The following RALGPS1 variants were observed in gnomAD, a reference collection of about 807,000 sequenced individuals.
The protein encoded by RALGPS1 is Ral GEF with PH domain and SH3 binding motif 1, also known as ras-specific guanine nucleotide-releasing factor RalGPS1.
In RALGPS1, 19 loss-of-function variants were observed where a neutral mutation model predicts 78.8. The ratio of observed to expected loss-of-function variants is 0.24; its 90% confidence interval spans 0.17 to 0.35. The LOEUF (loss-of-function observed/expected upper bound fraction) is 0.35, where lower values mean the gene tolerates loss of function less well. Among genes scored for constraint, RALGPS1 ranks in the 10% least tolerant of loss-of-function variants. The pLI, the probability that RALGPS1 is intolerant of heterozygous loss-of-function variation, is 1.00. For missense variants in RALGPS1, 454 were observed against 688.3 expected, an observed-to-expected ratio of 0.66 and a Z score of 3.81; for synonymous variants, 228 against 256.3, an observed-to-expected ratio of 0.89 and a Z score of 1.06.
Position 127,184,973 on chromosome 9 carries a change from G to A in RALGPS1, c.911-10118G>A, listed in dbSNP as rs3780324. 5.4e-3 allele frequency among the ~76,000 whole-genome samples: 829 copies of A among 152,318 alleles called. 27 individuals are homozygous for A. The East Asian group carries it at 0.087, about 16-fold the overall frequency. On this transcript the variant is annotated intron_variant, in intron 11 of 18. Coordinates refer to ENST00000259351, the MANE Select transcript of RALGPS1 (RefSeq NM_014636.3). ...CTTGGATGCTGCCGGAAATCCGTGG[G>A]AACGAGGCTTCCCATCCCAAACACA...
chr9:127,156,959 A>G (rs969144335), intron 8 of RALGPS1, among the ~76,000 whole-genome samples: 9 of 152,076 alleles, frequency 5.9e-5, no homozygotes, highest in African/African-American at 1.7e-4. Flanking sequence ...ATTTGTCTCA[A>G]TATCATTTAT....
At chr9:127,003,725 A>ATT (rs985826014) in intron 4 of RALGPS1, among the ~76,000 whole-genome samples, 18 of 149,866 alleles carry the variant, frequency 1.2e-4, no homozygotes, top group Admixed American at 1.1e-3. Context: ...TTAAAATTTT[A>ATT]TTTTAAGTTG....
At chr9:126,988,195 G>C (rs1174991166) in intron 4 of RALGPS1, among the ~76,000 whole-genome samples, 1 of 152,222 alleles carries the variant, frequency 6.6e-6, no homozygotes, top group South Asian at 2.1e-4. Context: ...CAAGCCTGGC[G>C]GGGGTGAGAG....
chr9:126,999,225 G>A (rs1376083493), intron 4 of RALGPS1, among the ~76,000 whole-genome samples: 2 of 151,816 alleles, frequency 1.3e-5, no homozygotes, highest in East Asian at 1.9e-4. Flanking sequence ...AGTATAGAGT[G>A]TACATTCTGT....
rs573663474 is a variant in RALGPS1 at position 126,968,206 on chromosome 9, T to C, written c.165+2255T>C. ...TTAGTAGAGACAGGGTTTCACCATGTTGGCCAGGATGGTCTCAATCTCCTG... is the reference window on the plus strand; with the variant it reads ...TTAGTAGAGACAGGGTTTCACCATGCTGGCCAGGATGGTCTCAATCTCCTG... On this transcript the variant is annotated intron_variant, in intron 3 of 18. Transcript: ENST00000259351. 4.6e-5 allele frequency among the ~76,000 whole-genome samples: 7 copies of C among 152,250 alleles called. No individual in the cohort carries two copies. In the East Asian group the frequency reaches 1.4e-3, roughly 29 times the overall value.
At chr9:127,030,726 G>T (rs1325929738) in intron 4 of RALGPS1, among the ~76,000 whole-genome samples, 1 of 151,946 alleles carries the variant, frequency 6.6e-6, no homozygotes, top group African/African-American at 2.4e-5. Flanking sequence ...GACGTGGAAG[G>T]TACAGGGATG....
At chr9:127,081,635 C>G (rs1326715410) in intron 8 of RALGPS1, among the ~76,000 whole-genome samples, 1 of 152,252 alleles carries the variant, frequency 6.6e-6, no homozygotes, top group Non-Finnish European at 1.5e-5. Flanking sequence ...AACTATCCTT[C>G]TAGGCTCTGG....
intron 8 of RALGPS1, among the ~76,000 whole-genome samples, chr9:127,097,165 T>C (rs1460635477): frequency 6.6e-6 from 1 of 152,272 alleles, no homozygotes; most frequent in African/African-American, 2.4e-5. Flanking sequence ...TGTAAAACTT[T>C]TAAAAATCTT....
intron 1 of RALGPS1, among the ~76,000 whole-genome samples, chr9:126,929,145 C>T (rs1239151182): frequency 6.6e-6 from 1 of 152,108 alleles, no homozygotes; most frequent in Admixed American, 6.6e-5. Context: ...CCAAAGCCTA[C>T]CTGTATAATA....
Position 127,218,674 on chromosome 9 carries a change from G to T in RALGPS1, c.1645-66G>T. 1 of 1,541,560 alleles carries T rather than the reference G, an allele frequency of 6.5e-7. No homozygotes were observed. The highest frequency in any genetic ancestry group is 1.1e-5 in the South Asian group (1 of 89,506). On this transcript the variant is annotated intron_variant, in intron 18 of 18. Transcript: ENST00000259351. This position sits in a 1 kb window ranked among gnomAD's most constrained non-coding sequence, Gnocchi z 4.4. ...GGGAAAGGCCTGTCCCTTCCCCTAGGGACCACCACCCCTTGTCCTTCTCTG... is the reference window on the plus strand; with the variant it reads ...GGGAAAGGCCTGTCCCTTCCCCTAGTGACCACCACCCCTTGTCCTTCTCTG...
At chr9:127,016,370 C>G (rs1292962512) in intron 4 of RALGPS1, among the ~76,000 whole-genome samples, 1 of 152,142 alleles carries the variant, frequency 6.6e-6, no homozygotes, top group Non-Finnish European at 1.5e-5. Flanking sequence ...AATGGGAGAG[C>G]TGGGAGGATC....
At chr9:127,159,525 A>G (rs187853116) in intron 8 of RALGPS1, among the ~76,000 whole-genome samples, 1 of 152,300 alleles carries the variant, frequency 6.6e-6, no homozygotes, top group African/African-American at 2.4e-5. Flanking sequence ...GACCGAGGAA[A>G]CTGTCTCAGT....
chr9:127,171,792 A>C (rs975968259), intron 10 of RALGPS1, among the ~76,000 whole-genome samples: 2 of 152,142 alleles, frequency 1.3e-5, no homozygotes, highest in African/African-American at 2.4e-5. Context: ...ATCAGGAAAA[A>C]CATTAGGAGG....
At chr9:126,956,586 G>A (rs2038363718) in intron 1 of RALGPS1, among the ~76,000 whole-genome samples, 1 of 152,022 alleles carries the variant, frequency 6.6e-6, no homozygotes, top group Non-Finnish European at 1.5e-5. Context: ...AGGTGGGGTG[G>A]GCCACAGGGG....
intron 18 of RALGPS1, chr9:127,215,935 A>G (rs1186318088): frequency 1.3e-5 from 2 of 152,336 alleles, no homozygotes; most frequent in Non-Finnish European, 2.9e-5. Flanking sequence ...TGGCGCTTCA[A>G]GGAGGACAGT....
At chr9:127,048,241 C>T (rs1192569503) in intron 5 of RALGPS1, among the ~76,000 whole-genome samples, 1 of 152,184 alleles carries the variant, frequency 6.6e-6, no homozygotes, top group African/African-American at 2.4e-5. Context: ...TCCTGCAACA[C>T]CAGTGCTTTC....
In RALGPS1 at chr9:127,221,268, C is replaced by T. The variant is rs933721408; in HGVS notation, c.*2499C>T. On this transcript the variant is annotated 3_prime_UTR_variant, in exon 19 of 19. Coordinates refer to ENST00000259351, the MANE Select transcript of RALGPS1 (RefSeq NM_014636.3). ...GAAAGTCCATGGGTAGACCCTCCCC[C>T]TGGAGGGAAGCATTTCTAGTTTTTG... 9.9e-5 allele frequency: 15 copies of T among 152,272 alleles called. No homozygotes were observed. The highest frequency in any genetic ancestry group is 3.6e-4 in the African/African-American group (15 of 41,470). The allele number at this position is 152,272 out of a possible 1,614,324, so 9.4% of individuals were successfully genotyped here. A position where few individuals can be genotyped will look rare whatever the true frequency, so the allele number is the denominator to read the frequency against.
intron 8 of RALGPS1, among the ~76,000 whole-genome samples, chr9:127,136,215 T>G (rs1012390828): frequency 5.3e-5 from 8 of 152,278 alleles, no homozygotes; most frequent in Non-Finnish European, 1.0e-4. Flanking sequence ...CTGAGAGAAG[T>G]GGCAGGAAGG....
intron 4 of RALGPS1, among the ~76,000 whole-genome samples, chr9:126,987,927 G>A (rs1034644415): frequency 2.0e-5 from 3 of 152,170 alleles, no homozygotes; most frequent in Non-Finnish European, 4.4e-5. Flanking sequence ...ATGGGCAGAA[G>A]GCAAGGAGCA....
Sources: gnomAD v4.1 joint callset for allele counts (sites outside exome capture counted in the v4.1 genomes callset) on GRCh38, gnomAD v4.1.1 for gene constraint, Gnocchi (gnomAD v3.1) non-coding constraint, MANE v1.5 for transcripts, NCBI Gene and HGNC (gene_info 2026-07-23, HGNC 2026-07-21) for gene names.